Variants in ANKHD1 observed in about 807,000 individuals in gnomAD.
ANKHD1 encodes the protein ankyrin repeat and KH domain containing 1, also known as ankyrin repeat and KH domain-containing protein 1.
In ANKHD1, 31 loss-of-function variants were observed where a neutral mutation model predicts 230.5. The observed-to-expected ratio is 0.13, with a 90% CI of 0.10 to 0.18. The LOEUF is 0.18. Ranked by LOEUF, ANKHD1 falls within the 10% of genes least tolerant of loss-of-function variation. The probability of loss-of-function intolerance (pLI) is 1.00; values close to 1 mark genes in which losing one functional copy is unlikely to be tolerated. For missense variants in ANKHD1, 2,256 were observed against 3,071.3 expected, an observed-to-expected ratio of 0.73 and a Z score of 6.27; for synonymous variants, 1,074 against 1,117.6, an observed-to-expected ratio of 0.96 and a Z score of 0.78.
intron 29 of ANKHD1, among the ~76,000 whole-genome samples, chr5:140,532,687 T>C (rs1346890351): frequency 6.6e-6 from 1 of 151,978 alleles, no homozygotes; most frequent in Non-Finnish European, 1.5e-5. Flanking sequence ...AAAAAGCTAC[T>C]GAATAGTATA....
chr5:140,479,705 A>G (rs193159005), intron 10 of ANKHD1, among the ~76,000 whole-genome samples: 3 of 148,542 alleles, frequency 2.0e-5, no homozygotes, highest in African/African-American at 7.4e-5. Flanking sequence ...GTATATATAC[A>G]TTGATTCCCA....
intron 30 of ANKHD1, chr5:140,537,055 A>T: frequency 6.0e-6 from 1 of 165,806 alleles, no homozygotes; most frequent in East Asian, 1.7e-4. Flanking sequence ...TAATGTTTTG[A>T]GCAGATTATT....
At chr5:140,518,776 G>C (rs1177195587) in intron 24 of ANKHD1, among the ~76,000 whole-genome samples, 1 of 152,092 alleles carries the variant, frequency 6.6e-6, no homozygotes, top group Non-Finnish European at 1.5e-5. Flanking sequence ...GGTATTGATG[G>C]GACGTATCTC....
chr5:140,434,442 C>A (rs973008378), intron 1 of ANKHD1, among the ~76,000 whole-genome samples: 1 of 149,302 alleles, frequency 6.7e-6, no homozygotes, highest in Non-Finnish European at 1.5e-5. Flanking sequence ...GTATATTATA[C>A]AAATTACATA....
In ANKHD1 at chr5:140,468,052, C is replaced by CTT. The variant is rs869172143; in HGVS notation, c.1782+3315_1782+3316dup. Among the ~76,000 whole-genome samples the CTT allele has an allele frequency of 1.1e-4, 6 of 52,412 alleles. 1 individual carries two copies. Among genetic ancestry groups the CTT allele is most frequent in the Admixed American group, 3.0e-4 (1 of 3,334 alleles). 34.4% of individuals were successfully genotyped at this position (52,412 alleles called of 152,430 possible). A position where few individuals can be genotyped will look rare whatever the true frequency, so the allele number is the denominator to read the frequency against. On this transcript the variant is annotated intron_variant, in intron 10 of 33. Coordinates refer to ENST00000360839, the MANE Select transcript of ANKHD1 (RefSeq NM_017747.3). ...AGTTTAAGGTTTAAGTGTACTAATT[C>CTT]TTTTTTTTTTTTTTTTTTTTTTTTT...
At chr5:140,458,949 T>A (rs559047271) in intron 8 of ANKHD1, 87 bp downstream of exon 8, 2 of 20,276 alleles carry the variant, frequency 9.9e-5, no homozygotes, top group African/African-American at 5.3e-4. Context: ...AGCTAGCATA[T>A]ATATATATAT....
At position 140,467,801 on chromosome 5, in the gene ANKHD1, G is replaced by A. The variant is rs140835733; in HGVS notation, c.1782+3025G>A. Among the ~76,000 whole-genome samples, 6 of 152,216 alleles carry A rather than the reference G, an allele frequency of 3.9e-5. No homozygotes were observed. The East Asian group carries it at 9.6e-4, about 24-fold the overall frequency. ...ACAGGGAAACCTCAGAGTAAAGCAGGCAGATTAGTCCCTGAGTCCTGGGAA... is the reference window on the plus strand; with the variant it reads ...ACAGGGAAACCTCAGAGTAAAGCAGACAGATTAGTCCCTGAGTCCTGGGAA... On this transcript the variant is annotated intron_variant, in intron 10 of 33. Coordinates refer to ENST00000360839, the MANE Select transcript of ANKHD1 (RefSeq NM_017747.3).
intron 15 of ANKHD1, 106 bp from the exon 16 acceptor site, chr5:140,504,709 TTTACTA>T: frequency 7.3e-7 from 1 of 1,377,544 alleles, no homozygotes; most frequent in Non-Finnish European, 9.7e-7. Flanking sequence ...AGCTTGTGAT[TTTACTA>T]TTACTACATA....
At chr5:140,538,446 C>T (rs543051060) in intron 32 of ANKHD1, among the ~76,000 whole-genome samples, 185 bp downstream of exon 32, 55 of 152,306 alleles carry the variant, frequency 3.6e-4, no homozygotes, top group Non-Finnish European at 6.2e-4. Flanking sequence ...CCCCATCCCC[C>T]GAAAACACCT....
intron 10 of ANKHD1, among the ~76,000 whole-genome samples, chr5:140,476,205 G>A (rs1175754357): frequency 6.6e-6 from 1 of 151,870 alleles, no homozygotes; most frequent in African/African-American, 2.4e-5. Context: ...ATAGTAAAGA[G>A]ATAGAAAATA....
chr5:140,510,699 A>T (rs1361590511), intron 22 of ANKHD1, among the ~76,000 whole-genome samples: 2 of 152,200 alleles, frequency 1.3e-5, no homozygotes, highest in African/African-American at 4.8e-5. Context: ...TATTTGTGAT[A>T]CATTGTTCAT....
In ANKHD1 at chr5:140,485,013, ATTTTT is replaced by A; in HGVS notation, c.1871-105_1871-101del. ...AAACTATACACTTAATGATTTGTAT[ATTTTT>A]TTGTATCTACATTATACTTCACAAA... On this transcript the variant is annotated intron_variant, in intron 11 of 33. Transcript: ENST00000360839. This position sits in a 1 kb window ranked among gnomAD's most constrained non-coding sequence, Gnocchi z 4.8. 7.1e-7 allele frequency: 1 copy of A among 1,412,602 alleles called. No homozygotes were observed. Among genetic ancestry groups the A allele is most frequent in the Admixed American group, 2.4e-5 (1 of 40,918 alleles). 87.5% of individuals were successfully genotyped at this position (1,412,602 alleles called of 1,614,324 possible).
intron 22 of ANKHD1, 30 bp from the exon 23 acceptor site, chr5:140,512,798 C>A (rs749300475): frequency 6.5e-7 from 1 of 1,543,832 alleles, no homozygotes; most frequent in Admixed American, 2.1e-5. Context: ...TTTCATGCTA[C>A]CTTGTCTAAG....
At chr5:140,445,349 A>G (rs1239067438) in intron 5 of ANKHD1, among the ~76,000 whole-genome samples, 5 of 151,964 alleles carry the variant, frequency 3.3e-5, no homozygotes, top group African/African-American at 1.2e-4. Flanking sequence ...TCCTAAAAAT[A>G]CAAAATTAGT....
chr5:140,505,201 G>A lies in ANKHD1; in HGVS notation c.3230G>A (p.Arg1077Gln), dbSNP rs1752489088. 3.1e-6 allele frequency: 5 copies of A among 1,613,892 alleles called. No homozygotes were observed. The highest frequency in any genetic ancestry group is 1.3e-5 in the African/African-American group (1 of 74,892). The change falls in exon 17 of 34, where the codon CGG (arginine) becomes CAG (glutamine). Residue 1077 changes from arginine (R) to glutamine (Q), a missense_variant. Physicochemically the swap from Arg to Gln is conservative, Grantham distance 43. This residue lies in a region of ANKHD1 where 63 missense variants were observed against 125.5 expected (regional missense o/e 0.50). Transcript: ENST00000360839. Reference protein sequence around the residue: ...HEELVSVLIARDAKIEHRDKK... With the variant: ...HEELVSVLIAQDAKIEHRDKK... ...GAACTTGTATCTGTGCTCATTGCAC[G>A]GGATGCCAAAATTGAACACAGAGAC... is the stretch of plus-strand genomic sequence containing the variant.
chr5:140,493,939 C>T (rs1360257309), intron 14 of ANKHD1, among the ~76,000 whole-genome samples: 1 of 152,162 alleles, frequency 6.6e-6, no homozygotes, highest in Non-Finnish European at 1.5e-5. Flanking sequence ...CCAGTGGGGT[C>T]ATAACATAAT....
At chr5:140,442,030 A>ATTTTTTTTTTTTTT (rs1561726990) in intron 5 of ANKHD1, among the ~76,000 whole-genome samples, 15 of 134,564 alleles carry the variant, frequency 1.1e-4, no homozygotes, top group African/African-American at 4.2e-4. Context: ...CTAATAAGAT[A>ATTTTTTTTTTTTTT]TTCTTTTTTT....
chr5:140,462,105 A>T (rs1056108498), intron 9 of ANKHD1, among the ~76,000 whole-genome samples: 1 of 151,286 alleles, frequency 6.6e-6, no homozygotes, highest in Non-Finnish European at 1.5e-5. Context: ...TTGTTTTTCT[A>T]TCCTTTGGAT....
chr5:140,475,972 G>T (rs958873668), intron 10 of ANKHD1, among the ~76,000 whole-genome samples: 1 of 152,118 alleles, frequency 6.6e-6, no homozygotes, highest in Non-Finnish European at 1.5e-5. Flanking sequence ...TGAGAATTAT[G>T]AACATGTTTA....
Sources: allele counts gnomAD v4.1 joint callset (sites outside exome capture counted in the v4.1 genomes callset), GRCh38; gene constraint gnomAD v4.1.1; regional missense constraint gnomAD v4.1.1; non-coding constraint Gnocchi (gnomAD v3.1); transcripts MANE v1.5; gene names NCBI Gene and HGNC (gene_info 2026-07-23, HGNC 2026-07-21).